Variants in SLC39A11 observed in about 807,000 individuals in gnomAD.
SLC39A11 encodes the protein solute carrier family 39 member 11, also known as zinc transporter ZIP11.
In SLC39A11, 33 loss-of-function variants were observed where a neutral mutation model predicts 36.1. The observed-to-expected ratio is 0.91, with a 90% confidence interval of 0.69 to 1.22. The LOEUF (loss-of-function observed/expected upper bound fraction) is 1.22, where lower values mean the gene tolerates loss of function less well. SLC39A11 is among the 50% of genes most tolerant of loss of function. SLC39A11 has a pLI of 0.00. For synonymous variants in SLC39A11, 166 were observed against 170.3 expected (o/e 0.97, Z 0.20); for missense variants, 432 against 430.3 (o/e 1.00, Z -0.03).
chr17:72,840,925 G>C (rs1032897357), intron 6 of SLC39A11, among the ~76,000 whole-genome samples: 9 of 151,678 alleles, frequency 5.9e-5, no homozygotes, highest in African/African-American at 4.8e-5. Flanking sequence ...CGTGGTGGGG[G>C]GCGCCTGTAG....
At chr17:72,659,802 T>G (rs1292371845) in intron 7 of SLC39A11, among the ~76,000 whole-genome samples, 1 of 152,084 alleles carries the variant, frequency 6.6e-6, no homozygotes, top group African/African-American at 2.4e-5. Context: ...GGTTTGACCA[T>G]GTTGGCCAGG....
At chr17:72,912,716 G>T (rs1377551793) in intron 5 of SLC39A11, among the ~76,000 whole-genome samples, 1 of 152,194 alleles carries the variant, frequency 6.6e-6, no homozygotes, top group African/African-American at 2.4e-5. Flanking sequence ...CCAGAGCAGA[G>T]CATCTCACTT....
At chr17:72,738,478 C>T (rs2074531017) in intron 6 of SLC39A11, among the ~76,000 whole-genome samples, 1 of 152,124 alleles carries the variant, frequency 6.6e-6, no homozygotes, top group African/African-American at 2.4e-5. Context: ...CATGGGCTTG[C>T]CAAGTTCACC....
chr17:73,087,233 T>C (rs769864344), intron 2 of SLC39A11, among the ~76,000 whole-genome samples: 4 of 152,066 alleles, frequency 2.6e-5, no homozygotes, highest in Non-Finnish European at 4.4e-5. Flanking sequence ...TGTTTCTGGA[T>C]TGTGTGTTTT....
In SLC39A11 at chr17:72,922,126, G is replaced by A. The variant is rs559734638; in HGVS notation, c.430+25626C>T. The stretch of plus-strand genomic sequence containing the variant: ...CTCCCACATCGGCAGACCTTATAAC[G>A]AAGTACAGAACAAGAACCTCTAAAC... On this transcript the variant is annotated intron_variant, in intron 5 of 9. Transcript: ENST00000255559. Among the ~76,000 whole-genome samples, 7 of 152,220 alleles carry A rather than the reference G, an allele frequency of 4.6e-5. No homozygotes were observed. In the East Asian group the frequency reaches 9.6e-4, roughly 21 times the overall value.
intron 6 of SLC39A11, among the ~76,000 whole-genome samples, chr17:72,815,207 G>A (rs1439720602): frequency 6.6e-6 from 1 of 152,192 alleles, no homozygotes; most frequent in African/African-American, 2.4e-5. Flanking sequence ...AAATGTAGCT[G>A]TCTATGGAAT....
intron 6 of SLC39A11, chr17:72,818,786 G>C (rs1433906880): frequency 6.6e-6 from 1 of 152,078 alleles, no homozygotes; most frequent in Admixed American, 6.6e-5. Context: ...ATACTCATCT[G>C]AGCAATTAAT....
chr17:73,042,477 C>A (rs764006548), intron 3 of SLC39A11, among the ~76,000 whole-genome samples: 2 of 152,158 alleles, frequency 1.3e-5, no homozygotes, highest in African/African-American at 4.8e-5. Context: ...GGAGGACACA[C>A]AAACTTGCAA....
At chr17:72,859,861 G>A (rs866750722) in intron 5 of SLC39A11, among the ~76,000 whole-genome samples, 5 of 142,216 alleles carry the variant, frequency 3.5e-5, no homozygotes, top group African/African-American at 1.1e-4. Flanking sequence ...GGTGGCACAC[G>A]CCTATAGTCC....
intron 3 of SLC39A11, chr17:73,072,364 G>C (rs558376102): frequency 6.6e-6 from 1 of 152,200 alleles, no homozygotes; most frequent in Admixed American, 6.6e-5. Flanking sequence ...GACAGACAGG[G>C]ACTGTTTGCA....
intron 6 of SLC39A11, among the ~76,000 whole-genome samples, chr17:72,758,323 T>G (rs1230014788): frequency 6.6e-6 from 1 of 152,198 alleles, no homozygotes; most frequent in Non-Finnish European, 1.5e-5. Flanking sequence ...AAGACAATAC[T>G]TGGTTACTTT....
intron 4 of SLC39A11, among the ~76,000 whole-genome samples, chr17:72,958,570 G>A (rs2086391838): frequency 6.6e-6 from 1 of 152,166 alleles, no homozygotes. Context: ...AAAGAAGATG[G>A]CCCGGCACAG....
intron 5 of SLC39A11, among the ~76,000 whole-genome samples, chr17:72,944,635 T>A (rs1306232434): frequency 6.6e-6 from 1 of 152,202 alleles, no homozygotes; most frequent in Non-Finnish European, 1.5e-5. Context: ...AAAGAACTCC[T>A]GGCCTCATTT....
chr17:72,731,070 G>A (rs1307853234), intron 7 of SLC39A11, among the ~76,000 whole-genome samples: 3 of 152,136 alleles, frequency 2.0e-5, no homozygotes, highest in Non-Finnish European at 2.9e-5. Flanking sequence ...ATTTCTTTAC[G>A]TATTATTTAG....
chr17:72,946,934 T>G (rs1329866714), intron 5 of SLC39A11, among the ~76,000 whole-genome samples: 13 of 152,248 alleles, frequency 8.5e-5, no homozygotes. Context: ...TGATTCCTCT[T>G]GAGGGACGCA....
At chr17:72,702,707 C>T (rs987010816) in intron 7 of SLC39A11, among the ~76,000 whole-genome samples, 6 of 151,980 alleles carry the variant, frequency 3.9e-5, no homozygotes, top group African/African-American at 1.4e-4. Flanking sequence ...GAGGCTGAGG[C>T]GGGTGGATCA....
chr17:72,704,673 T>A (rs913409264), intron 7 of SLC39A11, among the ~76,000 whole-genome samples: 4 of 151,894 alleles, frequency 2.6e-5, no homozygotes, highest in African/African-American at 9.7e-5. Flanking sequence ...ACCAGGGGTA[T>A]GAAGGTCCCC....
rs1201687637 is a variant in SLC39A11 at position 72,670,212 on chromosome 17, CAT to C, written c.672-20946_672-20945del. On this transcript the variant is annotated intron_variant, in intron 7 of 9. Transcript: ENST00000255559. ...ACACACACACACACACACACACACA[CAT>C]ATATATATATGCCAGGCATGGTGGC... is the stretch of plus-strand genomic sequence containing the variant. 5.6e-3 allele frequency among the ~76,000 whole-genome samples: 700 copies of C among 125,136 alleles called. 18 individuals are homozygous for C. In the East Asian group the frequency reaches 0.062, roughly 11 times the overall value. 82.1% of individuals were successfully genotyped at this position (125,136 alleles called of 152,430 possible).
chr17:73,057,162 C>T (rs2059695745), intron 3 of SLC39A11, among the ~76,000 whole-genome samples: 2 of 152,216 alleles, frequency 1.3e-5, no homozygotes, highest in Admixed American at 1.3e-4. Flanking sequence ...GATGGGGTTT[C>T]GCCATGTTGT....
Sources: gnomAD v4.1 joint callset for allele counts (sites outside exome capture counted in the v4.1 genomes callset) on GRCh38, gnomAD v4.1.1 for gene constraint, MANE v1.5 for transcripts, NCBI Gene and HGNC (gene_info 2026-07-23, HGNC 2026-07-21) for gene names.